NSMCE2: variants seen among roughly 807,000 people sequenced by gnomAD.
NSMCE2 encodes E3 SUMO-protein ligase NSE2.
NSMCE2 carries 24 observed loss-of-function variants against 23.8 expected under a neutral mutation model. That is an observed-to-expected ratio of 1.01 (90% confidence interval 0.73 to 1.42). NSMCE2 has a LOEUF of 1.42. Among genes scored for constraint, NSMCE2 ranks in the 40% most tolerant of loss-of-function variants. The pLI is 0.00. For missense variants in NSMCE2, 284 were observed against 296.5 expected (o/e 0.96, Z 0.31); for synonymous variants, 92 against 94.1 (o/e 0.98, Z 0.13).
At chr8:125,147,250 T>C (rs1820739080) in intron 3 of NSMCE2, among the ~76,000 whole-genome samples, 1 of 152,228 alleles carries the variant, frequency 6.6e-6, no homozygotes, top group South Asian at 2.1e-4. Flanking sequence ...ATATCATATG[T>C]CCTCTTTTAT....
intron 3 of NSMCE2, among the ~76,000 whole-genome samples, chr8:125,128,490 C>A (rs1287013613): frequency 6.6e-6 from 1 of 152,150 alleles, no homozygotes; most frequent in Non-Finnish European, 1.5e-5. Context: ...TTCTGACATA[C>A]GCATCTATGT....
chr8:125,246,713 G>A (rs1382690506), intron 5 of NSMCE2, among the ~76,000 whole-genome samples: 1 of 152,072 alleles, frequency 6.6e-6, no homozygotes, highest in African/African-American at 2.4e-5. Context: ...ATTTTATGAA[G>A]CTAGGGTATC....
intron 5 of NSMCE2, among the ~76,000 whole-genome samples, chr8:125,194,495 C>T (rs542085386): frequency 1.3e-5 from 2 of 152,124 alleles, no homozygotes; most frequent in African/African-American, 2.4e-5. Context: ...ATTCATTTAC[C>T]AGTTGAAGAA....
chr8:125,181,659 T>C (rs1822817926), intron 4 of NSMCE2, among the ~76,000 whole-genome samples: 1 of 152,086 alleles, frequency 6.6e-6, no homozygotes, highest in Non-Finnish European at 1.5e-5. Flanking sequence ...CCAGCCACTT[T>C]TGTAAAGCAG....
chr8:125,134,553 A>C (rs761536275), intron 3 of NSMCE2, among the ~76,000 whole-genome samples: 3 of 152,090 alleles, frequency 2.0e-5, no homozygotes, highest in East Asian at 3.9e-4. Context: ...CTTATTTGGC[A>C]TTTACCTCTT....
intron 4 of NSMCE2, among the ~76,000 whole-genome samples, chr8:125,170,376 CTTTTTTTT>C (rs565593006): frequency 0.025 from 945 of 37,372 alleles, 1 homozygote; most frequent in South Asian, 0.048. Context: ...CTCTTTATTT[CTTTTTTTT>C]TTTTTTTTTT....
chr8:125,324,495 A>G (rs1829569964), intron 5 of NSMCE2, among the ~76,000 whole-genome samples: 1 of 145,722 alleles, frequency 6.9e-6, no homozygotes, highest in Non-Finnish European at 1.5e-5. Context: ...AGGACTATTG[A>G]TACATGCAGC....
intron 4 of NSMCE2, among the ~76,000 whole-genome samples, chr8:125,153,633 G>T (rs1026662650): frequency 5.3e-5 from 8 of 152,070 alleles, no homozygotes; most frequent in African/African-American, 1.9e-4. Flanking sequence ...TCCAGCCCTG[G>T]TTCTTCTACT....
chr8:125,106,961 A>G (rs1186376127), intron 3 of NSMCE2, among the ~76,000 whole-genome samples: 1 of 151,594 alleles, frequency 6.6e-6, no homozygotes, highest in South Asian at 2.1e-4. Flanking sequence ...ACGCCACTGC[A>G]CTCCAGCCTA....
intron 3 of NSMCE2, among the ~76,000 whole-genome samples, chr8:125,120,746 C>A (rs578008431): frequency 6.6e-6 from 1 of 152,160 alleles, no homozygotes; most frequent in Non-Finnish European, 1.5e-5. Context: ...GAGTTATGAA[C>A]CTAGTTTGGA....
chr8:125,141,203 A>C (rs926287183), intron 3 of NSMCE2, among the ~76,000 whole-genome samples: 2 of 152,228 alleles, frequency 1.3e-5, no homozygotes, highest in Non-Finnish European at 2.9e-5. Flanking sequence ...CTGTCTATAT[A>C]ATCAAAGATG....
intron 4 of NSMCE2, among the ~76,000 whole-genome samples, chr8:125,177,814 A>G (rs1050030505): frequency 2.0e-5 from 3 of 152,106 alleles, no homozygotes; most frequent in East Asian, 1.9e-4. Flanking sequence ...TTAGTTTTTC[A>G]GAGTTCCTTT....
chr8:125,316,435 A>G (rs1219440522), intron 5 of NSMCE2, among the ~76,000 whole-genome samples: 1 of 152,248 alleles, frequency 6.6e-6, no homozygotes, highest in Non-Finnish European at 1.5e-5. Context: ...AACTATGTTT[A>G]TGACACTACT....
chr8:125,261,328 G>A (rs1053612001), intron 5 of NSMCE2, among the ~76,000 whole-genome samples: 1 of 152,214 alleles, frequency 6.6e-6, no homozygotes, highest in African/African-American at 2.4e-5. Flanking sequence ...CTTGCTTTCT[G>A]TCAGAAAACT....
intron 5 of NSMCE2, among the ~76,000 whole-genome samples, chr8:125,292,609 T>G (rs935860202): frequency 5.3e-5 from 8 of 152,082 alleles, no homozygotes; most frequent in Non-Finnish European, 1.2e-4. Context: ...AGAAAAGCCC[T>G]TTGTATCTTC....
chr8:125,155,738 T>C (rs1393996525), intron 4 of NSMCE2, among the ~76,000 whole-genome samples: 1 of 152,210 alleles, frequency 6.6e-6, no homozygotes, highest in East Asian at 1.9e-4. Flanking sequence ...AACTGTGGGC[T>C]TCAAATTGCT....
intron 5 of NSMCE2, among the ~76,000 whole-genome samples, chr8:125,298,693 T>G (rs7820489): frequency 0.24 from 28,046 of 114,994 alleles, 2,716 homozygotes; most frequent in African/African-American, 0.29. Flanking sequence ...GTGGGTTTTT[T>G]TTTGTTTTTT....
chr8:125,121,014 T>C (rs1819238706), intron 3 of NSMCE2, among the ~76,000 whole-genome samples: 1 of 152,236 alleles, frequency 6.6e-6, no homozygotes, highest in Admixed American at 6.5e-5. Context: ...CATCACTATT[T>C]CATTGTATTT....
chr8:125,276,566 C>T (rs74790374), intron 5 of NSMCE2, among the ~76,000 whole-genome samples: 21,076 of 151,428 alleles, frequency 0.14, 1,631 homozygotes, highest in Middle Eastern at 0.21. Context: ...TAAAGGCAGA[C>T]GCATATGGTT....
Sources: gnomAD v4.1 joint callset for allele counts (sites outside exome capture counted in the v4.1 genomes callset) on GRCh38, gnomAD v4.1.1 for gene constraint, MANE v1.5 for transcripts, NCBI Gene and HGNC (gene_info 2026-07-23, HGNC 2026-07-21) for gene names.